EML1: variants seen among roughly 807,000 people sequenced by gnomAD.
EML1 encodes the protein echinoderm microtubule-associated protein-like 1.
EML1 carries 27 observed loss-of-function variants against 110.4 expected under a neutral mutation model. The ratio of observed to expected loss-of-function variants is 0.24; its 90% CI spans 0.18 to 0.34. The LOEUF (loss-of-function observed/expected upper bound fraction) is 0.34, where lower values mean the gene tolerates loss of function less well. EML1 is among the 10% of genes least tolerant of loss of function. The pLI is 1.00. For missense variants in EML1, 741 were observed against 1,030.9 expected (o/e 0.72, Z 3.85); for synonymous variants, 344 against 385.8 (o/e 0.89, Z 1.27).
At chr14:99,850,287 G>A (rs773099470) in intron 1 of EML1, 92 of 1,288,696 alleles carry the variant, frequency 7.1e-5, no homozygotes, top group Non-Finnish European at 9.0e-5. Flanking sequence ...GAAGATCACG[G>A]AGAGGTTTAT....
chr14:99,800,965 C>T (rs79735364), intron 1 of EML1, among the ~76,000 whole-genome samples: 1,726 of 152,326 alleles, frequency 0.011, 25 homozygotes, highest in African/African-American at 0.039. Context: ...ACCTTCCCAC[C>T]TGCCGAGGCC....
At chr14:99,865,730 A>AT in intron 3 of EML1, 84 bp downstream of exon 3, 1 of 1,479,782 alleles carries the variant, frequency 6.8e-7, no homozygotes, top group Non-Finnish European at 9.0e-7. Flanking sequence ...TTAAAATGAC[A>AT]TTGTACAATT....
At chr14:99,882,005 T>C (rs1417148980) in intron 4 of EML1, among the ~76,000 whole-genome samples, 2 of 152,232 alleles carry the variant, frequency 1.3e-5, no homozygotes, top group East Asian at 3.9e-4. Context: ...AAGACCTTTA[T>C]CTTAGAATGT....
exon 1 of EML1, chr14:99,737,798 G>A: frequency 7.8e-7 from 1 of 1,289,240 alleles, no homozygotes. Context: ...TGACCCTGCA[G>A]GCTGGTGGCC....
At chr14:99,828,925 G>C (rs1308000601) in intron 1 of EML1, among the ~76,000 whole-genome samples, 1 of 152,142 alleles carries the variant, frequency 6.6e-6, no homozygotes, top group Non-Finnish European at 1.5e-5. Context: ...GGCTGAGGAG[G>C]AGGAGGAAGA....
At chr14:99,922,209 A>C (rs892500882) in intron 17 of EML1, among the ~76,000 whole-genome samples, 11 of 151,778 alleles carry the variant, frequency 7.2e-5, no homozygotes, top group Non-Finnish European at 1.5e-4. Flanking sequence ...TCTGCCTCCC[A>C]GGTTCAAGCG....
Position 99,905,362 on chromosome 14 carries a change from T to TA in EML1, c.1009-2275dup, listed in dbSNP as rs2059827588. 6.6e-6 allele frequency among the ~76,000 whole-genome samples: 1 copy of TA among 152,112 alleles called. No individual in the cohort carries two copies. Among genetic ancestry groups the TA allele is most frequent in the African/African-American group, 2.4e-5 (1 of 41,406 alleles). Reference sequence around the variant, plus strand: ...CAGCCTCCAACCAGGAGCTTCAACTTACGGTCTCTGGGCAAGATGGTGGCC... The same window carrying TA: ...CAGCCTCCAACCAGGAGCTTCAACTTAACGGTCTCTGGGCAAGATGGTGGCC... On this transcript the variant is annotated intron_variant, in intron 9 of 21. Coordinates refer to ENST00000262233, the MANE Select transcript of EML1 (RefSeq NM_004434.3). This position sits in a 1 kb window ranked among gnomAD's most constrained non-coding sequence, Gnocchi z 4.1.
chr14:99,818,051 C>G (rs77689659), intron 1 of EML1, among the ~76,000 whole-genome samples: 1 of 151,642 alleles, frequency 6.6e-6, no homozygotes, highest in Non-Finnish European at 1.5e-5. Flanking sequence ...TGGAAGCAGG[C>G]GAAAGTGTGC....
At chr14:99,828,389 TAGG>T (rs1460854953) in intron 1 of EML1, among the ~76,000 whole-genome samples, 1 of 152,218 alleles carries the variant, frequency 6.6e-6, no homozygotes, top group African/African-American at 2.4e-5. Context: ...AGTCACTTAA[TAGG>T]AGTCTCCGTT....
intron 1 of EML1, among the ~76,000 whole-genome samples, chr14:99,830,629 C>A (rs2058434182): frequency 6.6e-6 from 1 of 152,084 alleles, no homozygotes; most frequent in Non-Finnish European, 1.5e-5. Flanking sequence ...CGGCTCACTG[C>A]AACCTCCACC....
chr14:99,827,493 T>C lies in EML1; in HGVS notation c.68-23360T>C, dbSNP rs1372292381. ...ACCCTCTGTTATGGGCTTACTTGTGTTACCCCAAATTCATGTGTTGAATCT... is the reference window on the plus strand; with the variant it reads ...ACCCTCTGTTATGGGCTTACTTGTGCTACCCCAAATTCATGTGTTGAATCT... On this transcript the variant is annotated intron_variant, in intron 1 of 21. Transcript: ENST00000262233. This position sits in a 1 kb window ranked among gnomAD's most constrained non-coding sequence, Gnocchi z 4.4. Among the ~76,000 whole-genome samples the C allele has an allele frequency of 1.3e-5, 2 of 152,140 alleles. No homozygotes were observed. Among genetic ancestry groups the C allele is most frequent in the Non-Finnish European group, 2.9e-5 (2 of 68,014 alleles).
chr14:99,875,114 C>T, intron 3 of EML1: 1 of 770,240 alleles, frequency 1.3e-6, no homozygotes, highest in Admixed American at 2.8e-5. Flanking sequence ...AATCATGTAA[C>T]TATATTAATC....
At chr14:99,842,299 A>G (rs1419981424) in intron 1 of EML1, among the ~76,000 whole-genome samples, 2 of 152,184 alleles carry the variant, frequency 1.3e-5, no homozygotes, top group African/African-American at 2.4e-5. Context: ...TCATTATGCT[A>G]ATCAGTTTTT....
rs1481668837 is a variant in EML1 at position 99,940,720 on chromosome 14, C to T, written c.*608C>T. 1 of 152,196 alleles carries T rather than the reference C, an allele frequency of 6.6e-6. No individual in the cohort carries two copies. Among genetic ancestry groups the T allele is most frequent in the East Asian group, 1.9e-4 (1 of 5,194 alleles). 9.4% of individuals were successfully genotyped at this position (152,196 alleles called of 1,614,324 possible). Reference sequence around the variant, plus strand: ...CTCTTGTGCTAAGCAGACTCTACTCCTAACTGACTTCAATATTTCAGCAGG... The same window carrying T: ...CTCTTGTGCTAAGCAGACTCTACTCTTAACTGACTTCAATATTTCAGCAGG... On this transcript the variant is annotated 3_prime_UTR_variant, in exon 22 of 22. Transcript: ENST00000262233.
At chr14:99,938,488 T>C (rs1188419776) in intron 20 of EML1, among the ~76,000 whole-genome samples, 1 of 152,204 alleles carries the variant, frequency 6.6e-6, no homozygotes, top group African/African-American at 2.4e-5. Flanking sequence ...AAACCCAACG[T>C]GCATCCAGCC....
intron 1 of EML1, among the ~76,000 whole-genome samples, chr14:99,843,468 T>C (rs956772716): frequency 6.6e-6 from 1 of 152,254 alleles, no homozygotes; most frequent in Non-Finnish European, 1.5e-5. Flanking sequence ...TATATTTATT[T>C]ATACATGCAC....
intron 3 of EML1, among the ~76,000 whole-genome samples, chr14:99,873,494 C>T (rs1047907054): frequency 2.6e-5 from 4 of 152,112 alleles, no homozygotes; most frequent in African/African-American, 7.2e-5. Flanking sequence ...TCCATTGAAA[C>T]GTAGGTGATA....
At chr14:99,930,377 C>T (rs188720858) in intron 17 of EML1, among the ~76,000 whole-genome samples, 152 of 152,316 alleles carry the variant, frequency 1.0e-3, no homozygotes, top group Middle Eastern at 3.4e-3. Flanking sequence ...ACGCCTGGAA[C>T]GCAACCACGA....
intron 1 of EML1, among the ~76,000 whole-genome samples, chr14:99,847,516 A>G (rs2058725981): frequency 6.6e-6 from 1 of 152,114 alleles, no homozygotes; most frequent in Non-Finnish European, 1.5e-5. Context: ...TGCCTGGCTA[A>G]TTTTTAAATT....
Sources: gnomAD v4.1 joint callset for allele counts (sites outside exome capture counted in the v4.1 genomes callset) on GRCh38, gnomAD v4.1.1 for gene constraint, Gnocchi (gnomAD v3.1) non-coding constraint, MANE v1.5 for transcripts, NCBI Gene and HGNC (gene_info 2026-07-23, HGNC 2026-07-21) for gene names.